Variants in NUSAP1 observed in about 807,000 individuals in gnomAD.
NUSAP1 encodes nucleolar and spindle associated protein 1.
A neutral mutation model predicts 52.8 loss-of-function variants in NUSAP1; 32 were observed. The ratio of observed to expected loss-of-function variants is 0.61; its 90% confidence interval spans 0.46 to 0.81. NUSAP1 has a LOEUF of 0.81. Among genes scored for constraint, NUSAP1 ranks in the 40% least tolerant of loss-of-function variants. The pLI is 0.00. For missense variants in NUSAP1, 499 were observed against 522.3 expected (o/e 0.96, Z 0.43); for synonymous variants, 195 against 183.1 (o/e 1.06, Z -0.52).
At chr15:41,356,389 C>G (rs975918816) in intron 5 of NUSAP1, among the ~76,000 whole-genome samples, 1 of 132,452 alleles carries the variant, frequency 7.5e-6, no homozygotes, top group Non-Finnish European at 1.5e-5. Flanking sequence ...GAGTCTTGCT[C>G]TGTCACCCAG....
At chr15:41,369,091 G>C (rs1325707618) in intron 7 of NUSAP1, among the ~76,000 whole-genome samples, 1 of 151,626 alleles carries the variant, frequency 6.6e-6, no homozygotes, top group Non-Finnish European at 1.5e-5. Flanking sequence ...TGTCACCCAG[G>C]CTAGAATTCA....
At position 41,349,110 on chromosome 15, in the gene NUSAP1, A is replaced by G; in HGVS notation, c.175A>G (p.Thr59Ala). Residue 59 changes from threonine (T) to alanine (A), a missense_variant, in exon 3 of 11, where the codon ACT becomes GCT. Physicochemically the swap from Thr to Ala is moderately conservative, Grantham distance 58. Transcript: ENST00000559596. ...KGNENQDESQTSASSCDETEI... is the reference protein window; with the variant it reads ...KGNENQDESQASASSCDETEI... ...CCTCTCTTTTCAGGATGAAAGTCAA[A>G]CTTCTGCATCCTCTTGTGATGAGAC... 1 of 1,613,798 alleles carries G rather than the reference A, an allele frequency of 6.2e-7. No individual in the cohort carries two copies. The highest frequency in any genetic ancestry group is 8.5e-7 in the Non-Finnish European group (1 of 1,179,750).
intron 5 of NUSAP1, among the ~76,000 whole-genome samples, chr15:41,357,787 G>T (rs1340734718): frequency 6.6e-6 from 1 of 152,098 alleles, no homozygotes; most frequent in Non-Finnish European, 1.5e-5. Flanking sequence ...GAATAAATTT[G>T]TCAGTCCTTG....
intron 1 of NUSAP1, among the ~76,000 whole-genome samples, chr15:41,339,632 ACTC>A (rs1438184437): frequency 6.6e-6 from 1 of 151,778 alleles, no homozygotes; most frequent in African/African-American, 2.4e-5. Context: ...CTGGTCTGGA[ACTC>A]CTGAACTCAG....
At chr15:41,345,834 T>C (rs1181176462) in intron 2 of NUSAP1, among the ~76,000 whole-genome samples, 1 of 152,182 alleles carries the variant, frequency 6.6e-6, no homozygotes, top group Non-Finnish European at 1.5e-5. Context: ...CATTTCCTCA[T>C]GTCTTCATCT....
chr15:41,351,280 G>A (rs1595553873), intron 4 of NUSAP1, 151 bp downstream of exon 4: 1 of 332,070 alleles, frequency 3.0e-6, no homozygotes, highest in African/African-American at 2.2e-5. Context: ...TAGTTCTAGA[G>A]GCTGGAAGTC....
At chr15:41,377,579 G>GT (rs2050001500) in intron 10 of NUSAP1, among the ~76,000 whole-genome samples, 1 of 151,510 alleles carries the variant, frequency 6.6e-6, no homozygotes, top group Non-Finnish European at 1.5e-5. Context: ...GGCGCCTGTA[G>GT]TTCCAGCTAC....
chr15:41,346,532 T>A (rs372302338), intron 2 of NUSAP1, among the ~76,000 whole-genome samples: 4 of 151,840 alleles, frequency 2.6e-5, no homozygotes, highest in African/African-American at 9.7e-5. Flanking sequence ...TGGGGAACTT[T>A]TTAAAAATAC....
chr15:41,367,443 G>A (rs73404996), intron 7 of NUSAP1, among the ~76,000 whole-genome samples: 13,257 of 152,198 alleles, frequency 0.087, 732 homozygotes, highest in African/African-American at 0.16. Flanking sequence ...GCCCCTGTGG[G>A]CTTGGTAGAA....
In NUSAP1 at chr15:41,380,165, C is replaced by T; in HGVS notation, c.1305C>T (p.Gly435=). The T allele has an allele frequency of 6.3e-7, 1 of 1,580,920 alleles. No individual in the cohort carries two copies. Among genetic ancestry groups the T allele is most frequent in the Non-Finnish European group, 8.6e-7 (1 of 1,163,256 alleles). Residue 435 remains glycine (G), a synonymous_variant, in exon 11 of 11, where the codon GGC becomes GGT. Transcript: ENST00000559596. The part of the protein sequence containing the change: ...KKAKVLGMRR[G]LILAED ...CAAAGGTTTTGGGAATGCGAAGGGG[C>T]CTCATTTTGGCTGAAGATTAATAAT...
Position 41,351,068 on chromosome 15 carries a change from T to C in NUSAP1, c.387T>C (p.Ala129=). The C allele has an allele frequency of 6.2e-7, 1 of 1,613,742 alleles. No individual in the cohort carries two copies. ...HEKQESQDLR[A]TAKVPSPPDE... ...AGCAGGAAAGCCAGGATCTCAGAGC[T>C]ACTGCAAAAGTTCCTTCTCCACCAG... The change falls in exon 4 of 11, where the codon GCT becomes GCC. Residue 129 remains alanine, a synonymous_variant. Transcript: ENST00000559596.
At position 41,332,882 on chromosome 15, in the gene NUSAP1, T is replaced by C; in HGVS notation, c.-76T>C. On this transcript the variant is annotated 5_prime_UTR_variant, in exon 1 of 11. Coordinates refer to ENST00000559596, the MANE Select transcript of NUSAP1 (RefSeq NM_016359.5). ...ATTTCTGCCTAGTCAAAGTTAAGAG[T>C]GGCGCCAGGGATTTGAACCGCGCTG... The C allele has an allele frequency of 8.7e-7, 1 of 1,152,882 alleles. No homozygotes were observed. The highest frequency in any genetic ancestry group is 1.3e-6 in the Non-Finnish European group (1 of 785,376). The allele number at this position is 1,152,882 out of a possible 1,614,324, so 71.4% of individuals were successfully genotyped here. A position where few individuals can be genotyped will look rare whatever the true frequency, so the allele number is the denominator to read the frequency against.
chr15:41,358,842 G>T (rs2049066771), intron 6 of NUSAP1, among the ~76,000 whole-genome samples: 3 of 152,186 alleles, frequency 2.0e-5, no homozygotes, highest in Admixed American at 6.5e-5. Context: ...CATTGATGAT[G>T]AACCAACTTA....
chr15:41,363,176 G>T (rs2049247881), intron 6 of NUSAP1, among the ~76,000 whole-genome samples: 1 of 151,278 alleles, frequency 6.6e-6, no homozygotes, highest in Admixed American at 6.6e-5. Context: ...AATCCCAGCT[G>T]CTCTGGGTGC....
chr15:41,349,773 T>G (rs2048713560), intron 3 of NUSAP1, among the ~76,000 whole-genome samples: 1 of 149,360 alleles, frequency 6.7e-6, no homozygotes, highest in Non-Finnish European at 1.5e-5. Flanking sequence ...TTTCTTTTTT[T>G]TTTTTTTTTT....
At chr15:41,354,913 G>A (rs898643909) in intron 4 of NUSAP1, among the ~76,000 whole-genome samples, 4 of 150,710 alleles carry the variant, frequency 2.7e-5, no homozygotes, top group African/African-American at 4.9e-5. Context: ...CCAGCTACTC[G>A]GGAGGCTGAG....
intron 6 of NUSAP1, among the ~76,000 whole-genome samples, chr15:41,364,691 C>T (rs2049314603): frequency 6.6e-6 from 1 of 151,950 alleles, no homozygotes; most frequent in African/African-American, 2.4e-5. Flanking sequence ...AACATGGCAA[C>T]ATCCTGTCTC....
chr15:41,369,599 G>A (rs1044415090), intron 7 of NUSAP1, among the ~76,000 whole-genome samples: 66 of 151,572 alleles, frequency 4.4e-4, no homozygotes, highest in African/African-American at 1.5e-3. Context: ...AGTGAGCCAA[G>A]ATCATACCAT....
At chr15:41,340,809 C>T (rs1384975113) in intron 1 of NUSAP1, among the ~76,000 whole-genome samples, 1 of 152,156 alleles carries the variant, frequency 6.6e-6, no homozygotes, top group Non-Finnish European at 1.5e-5. Context: ...TGAAATAGTG[C>T]CTGATATCTT....
Sources: gnomAD v4.1 joint callset for allele counts (sites outside exome capture counted in the v4.1 genomes callset) on GRCh38, gnomAD v4.1.1 for gene constraint, MANE v1.5 for transcripts, NCBI Gene and HGNC (gene_info 2026-07-23, HGNC 2026-07-21) for gene names.